GSS: variants seen among roughly 807,000 people sequenced by gnomAD.
GSS encodes the protein glutathione synthetase, also known as GSH synthetase.
Under a neutral mutation model 60.4 loss-of-function variants are expected in GSS, and 34 were observed. The observed-to-expected ratio is 0.56, with a 90% CI of 0.43 to 0.75. GSS has a LOEUF of 0.75. Among genes scored for constraint, GSS ranks in the 30% least tolerant of loss-of-function variants. GSS has a pLI of 0.00. For missense variants in GSS, 499 were observed against 595.1 expected (o/e 0.84, Z 1.68); for synonymous variants, 224 against 239.0 (o/e 0.94, Z 0.58).
At chr20:34,949,042 AT>A (rs575946164) in intron 2 of GSS, among the ~76,000 whole-genome samples, 86 of 148,330 alleles carry the variant, frequency 5.8e-4, no homozygotes, top group African/African-American at 6.4e-4. Context: ...TAATTTCATG[AT>A]TTTTTTTTTT....
At chr20:34,946,434 C>A (rs2081523774) in intron 2 of GSS, among the ~76,000 whole-genome samples, 4 of 152,220 alleles carry the variant, frequency 2.6e-5, no homozygotes, top group Admixed American at 1.3e-4. Flanking sequence ...GAGGAAGATA[C>A]TATTATTATC....
chr20:34,936,720 G>A (rs1220042952), intron 8 of GSS, 43 bp downstream of exon 8: 5 of 1,368,650 alleles, frequency 3.7e-6, no homozygotes, highest in South Asian at 1.2e-5. Context: ...GGCAGGATGA[G>A]TTTCATAAAC....
At chr20:34,937,159 T>G in intron 6 of GSS, 136 bp from the exon 7 acceptor site, 1 of 702,618 alleles carries the variant, frequency 1.4e-6, no homozygotes, top group Non-Finnish European at 2.6e-6. Context: ...AGATGTTCCC[T>G]CTCTCAGGAA....
At chr20:34,949,240 A>C (rs1187109527) in intron 2 of GSS, among the ~76,000 whole-genome samples, 1 of 152,148 alleles carries the variant, frequency 6.6e-6, no homozygotes, top group African/African-American at 2.4e-5. Context: ...TTAACTCCCC[A>C]AACACTGCAG....
chr20:34,944,059 G>A (rs1340339803), intron 3 of GSS, among the ~76,000 whole-genome samples: 1 of 152,208 alleles, frequency 6.6e-6, no homozygotes, highest in African/African-American at 2.4e-5. Context: ...CTGCCCTGAA[G>A]TTCCTCTGCT....
rs1159775868 is a variant in GSS at position 34,946,068 on chromosome 20, G to T, written c.160C>A (p.Pro54Thr). 6.2e-7 allele frequency: 1 copy of T among 1,613,554 alleles called. No individual in the cohort carries two copies. The highest frequency in any genetic ancestry group is 1.3e-5 in the African/African-American group (1 of 75,044). The change falls in exon 3 of 13, where the codon CCC becomes ACC. Residue 54 changes from proline (P) to threonine (T), a missense_variant. Coordinates refer to ENST00000651619, the MANE Select transcript of GSS (RefSeq NM_000178.4). ...VVSYAPFTLF[P>T]SLVPSALLEQ... The stretch of plus-strand genomic sequence containing the variant: ...AGCAGGGCACTGGGGACCAGTGAGG[G>T]GAAGAGCGTGAATGGGGCATAGCTC...
chr20:34,955,698 T>C (rs542420928), intron 1 of GSS, 29 bp downstream of exon 1: 5 of 152,320 alleles, frequency 3.3e-5, no homozygotes, highest in African/African-American at 1.2e-4. Context: ...ACGTGACCCA[T>C]GCCGGCCGCC....
intron 1 of GSS, 56 bp from the exon 2 acceptor site, chr20:34,951,916 A>T: frequency 6.2e-7 from 1 of 1,600,576 alleles, no homozygotes; most frequent in Non-Finnish European, 8.5e-7. Context: ...CCCAGCAACC[A>T]CCGAAACTGG....
chr20:34,930,005 C>T (rs570392362), intron 11 of GSS, among the ~76,000 whole-genome samples: 5 of 152,236 alleles, frequency 3.3e-5, no homozygotes, highest in Non-Finnish European at 7.4e-5. Flanking sequence ...TGGTGGCTCA[C>T]GCCTGTAATC....
chr20:34,932,781 C>T (rs74788249), intron 9 of GSS, among the ~76,000 whole-genome samples: 12 of 152,278 alleles, frequency 7.9e-5, no homozygotes, highest in African/African-American at 2.9e-4. Flanking sequence ...CACACATGCA[C>T]ACATACACGC....
At chr20:34,953,839 TCTCGTGATCCCCCACTCTCGGC>T (rs1328680434) in intron 1 of GSS, among the ~76,000 whole-genome samples, 1 of 151,998 alleles carries the variant, frequency 6.6e-6, no homozygotes, top group Non-Finnish European at 1.5e-5. Context: ...ATGGTCTCGA[TCTCGTGATCCCCCACTCTCGGC>T]CTCCCAAAGT....
intron 10 of GSS, 32 bp from the exon 11 acceptor site, chr20:34,931,449 T>C (rs759224376): frequency 1.3e-6 from 2 of 1,576,922 alleles, no homozygotes; most frequent in Admixed American, 3.3e-5. Flanking sequence ...TTATCAAAAG[T>C]TTAAAGGCTA....
chr20:34,955,886 A>T (rs1401536795), upstream of GSS: 1 of 152,356 alleles, frequency 6.6e-6, no homozygotes, highest in Non-Finnish European at 1.5e-5. Flanking sequence ...CGCTGAGTCG[A>T]GGCCAGGAAG....
intron 12 of GSS, 153 bp from the exon 13 acceptor site, chr20:34,929,104 T>C: frequency 1.1e-6 from 1 of 905,942 alleles, no homozygotes; most frequent in Non-Finnish European, 1.8e-6. Context: ...AGTCTCCTTC[T>C]AGTCCTAGGT....
In GSS at chr20:34,942,576, CT is replaced by C; in HGVS notation, c.402del (p.Asp135MetfsTer6). 1 of 1,614,074 alleles carries C rather than the reference CT, an allele frequency of 6.2e-7. No homozygotes were observed. Among genetic ancestry groups the C allele is most frequent in the Non-Finnish European group, 8.5e-7 (1 of 1,179,932 alleles). The stretch of plus-strand genomic sequence containing the variant: ...ATCTGTTTCAGGGCTGGGGAGCCAT[CT>C]GCGCTGCGCTGGAACATGTAGTCTG... ...NRSDYMFQRS[A>X]DGSPALKQIE... On this transcript the variant is annotated frameshift_variant, in exon 5 of 13. Transcript: ENST00000651619. LOFTEE classifies it high-confidence loss of function.
At chr20:34,930,670 T>G (rs969415033) in intron 11 of GSS, among the ~76,000 whole-genome samples, 17 of 152,248 alleles carry the variant, frequency 1.1e-4, no homozygotes, top group Non-Finnish European at 1.5e-5. Flanking sequence ...ACTTGAGTCC[T>G]GGATCAATGT....
At chr20:34,932,852 T>A (rs535131588) in intron 9 of GSS, among the ~76,000 whole-genome samples, 1 of 152,128 alleles carries the variant, frequency 6.6e-6, no homozygotes, top group African/African-American at 2.4e-5. Context: ...TGTTTACTTT[T>A]TTTTTCTTTT....
chr20:34,945,839 A>G, intron 3 of GSS, 114 bp downstream of exon 3: 1 of 1,124,056 alleles, frequency 8.9e-7, no homozygotes, highest in Non-Finnish European at 1.3e-6. Context: ...CTTTGGAGGT[A>G]CCTTTCCTCT....
chr20:34,952,058 G>A, intron 1 of GSS, 198 bp from the exon 2 acceptor site: 2 of 625,644 alleles, frequency 3.2e-6, no homozygotes, highest in Non-Finnish European at 5.8e-6. Context: ...GCTTGACAAA[G>A]CATTTCCATT....
Sources: allele counts gnomAD v4.1 joint callset (sites outside exome capture counted in the v4.1 genomes callset), GRCh38; gene constraint gnomAD v4.1.1; transcripts MANE v1.5; gene names NCBI Gene and HGNC (gene_info 2026-07-23, HGNC 2026-07-21).